The following SORCS2 variants were observed in gnomAD, a reference collection of about 807,000 sequenced individuals.
The protein encoded by SORCS2 is sortilin related VPS10 domain containing receptor 2, also known as VPS10 domain-containing receptor SorCS2.
In SORCS2, 100 loss-of-function variants were observed where a neutral mutation model predicts 141.6. The observed-to-expected ratio is 0.71, with a 90% CI of 0.60 to 0.83. The LOEUF is 0.83. Ranked by LOEUF, SORCS2 falls within the 40% of genes least tolerant of loss-of-function variation. The pLI is 0.00. For missense variants in SORCS2, 1,646 were observed against 1,560.2 expected (o/e 1.05, Z -0.93); for synonymous variants, 789 against 676.9 (o/e 1.17, Z -2.57).
intron 1 of SORCS2, among the ~76,000 whole-genome samples, chr4:7,358,333 C>T (rs1255886870): frequency 1.3e-5 from 2 of 152,182 alleles, no homozygotes; most frequent in Non-Finnish European, 2.9e-5. Context: ...TGTCAGTGAT[C>T]CCATTAACCT....
chr4:7,682,915 A>G (rs1022526382), intron 10 of SORCS2, 26 bp downstream of exon 10: 1 of 1,605,650 alleles, frequency 6.2e-7, no homozygotes, highest in Non-Finnish European at 8.5e-7. Context: ...CACATCACAC[A>G]CCATCCTTGG....
At chr4:7,223,178 A>T (rs933543461) in intron 1 of SORCS2, among the ~76,000 whole-genome samples, 4 of 152,218 alleles carry the variant, frequency 2.6e-5, no homozygotes, top group Non-Finnish European at 4.4e-5. Flanking sequence ...AGGCCTAAGG[A>T]AAAAGAAACT....
At chr4:7,638,545 C>T (rs1720422303) in intron 4 of SORCS2, 53 bp downstream of exon 4, 7 of 1,555,762 alleles carry the variant, frequency 4.5e-6, no homozygotes, top group Non-Finnish European at 6.0e-6. Context: ...GTCTGCTCGA[C>T]CCACCTGGAG....
chr4:7,433,809 C>T (rs1244381088), intron 2 of SORCS2: 2 of 1,613,782 alleles, frequency 1.2e-6, no homozygotes, highest in South Asian at 1.1e-5. Context: ...TGCACACCTT[C>T]TCTGGGGTGA....
intron 1 of SORCS2, among the ~76,000 whole-genome samples, chr4:7,372,768 CT>C (rs1252199861): frequency 3.9e-5 from 6 of 152,176 alleles, no homozygotes; most frequent in Non-Finnish European, 8.8e-5. Flanking sequence ...CCTGGACCCC[CT>C]GAGTCTGTTT....
intron 1 of SORCS2, among the ~76,000 whole-genome samples, chr4:7,327,085 G>A (rs987312650): frequency 5.9e-5 from 9 of 152,214 alleles, no homozygotes; most frequent in African/African-American, 2.2e-4. Context: ...TCTGCTTCAC[G>A]GGGGGCTGGC....
intron 14 of SORCS2, among the ~76,000 whole-genome samples, chr4:7,707,861 G>C (rs559424670): frequency 1.3e-5 from 2 of 152,324 alleles, no homozygotes; most frequent in African/African-American, 4.8e-5. Context: ...CCTGGCTGGG[G>C]AGAGGTGAGC....
chr4:7,343,539 A>T (rs1274877417), intron 1 of SORCS2, among the ~76,000 whole-genome samples: 2 of 152,162 alleles, frequency 1.3e-5, no homozygotes, highest in African/African-American at 4.8e-5. Flanking sequence ...CTCCCTCTGC[A>T]CAGAGCCTTG....
intron 1 of SORCS2, among the ~76,000 whole-genome samples, chr4:7,212,514 C>G (rs1367497341): frequency 6.6e-6 from 1 of 152,330 alleles, no homozygotes; most frequent in South Asian, 2.1e-4. Flanking sequence ...AACATAGGCA[C>G]CAGGCTTGGT....
intron 4 of SORCS2, among the ~76,000 whole-genome samples, chr4:7,640,477 TGAGAGA>T (rs58499022): frequency 3.4e-5 from 5 of 146,070 alleles, no homozygotes; most frequent in African/African-American, 1.3e-4. Flanking sequence ...TGTGTGTGTG[TGAGAGA>T]GAGCCTATGT....
At chr4:7,721,501 G>T (rs1726589713) in intron 18 of SORCS2, among the ~76,000 whole-genome samples, 1 of 152,076 alleles carries the variant, frequency 6.6e-6, no homozygotes, top group African/African-American at 2.4e-5. Flanking sequence ...CTTCAACCTG[G>T]ATGAGCCTCA....
chr4:7,209,255 G>A (rs1408423878), intron 1 of SORCS2, among the ~76,000 whole-genome samples: 2 of 152,218 alleles, frequency 1.3e-5, no homozygotes, highest in African/African-American at 4.8e-5. Flanking sequence ...CCGAGAGCAC[G>A]CCCCGCCCCC....
intron 1 of SORCS2, among the ~76,000 whole-genome samples, chr4:7,273,527 C>T (rs1172220811): frequency 6.6e-6 from 1 of 152,154 alleles, no homozygotes; most frequent in African/African-American, 2.4e-5. Flanking sequence ...CAGGTGTGCC[C>T]AGTAATCAGC....
chr4:7,536,159 C>A (rs1486635265), intron 3 of SORCS2, among the ~76,000 whole-genome samples: 2 of 152,216 alleles, frequency 1.3e-5, no homozygotes, highest in Non-Finnish European at 2.9e-5. Context: ...AGGGCCCAAG[C>A]TCTAGGCAGC....
Position 7,267,780 on chromosome 4 carries a change from C to T in SORCS2, c.480+74654C>T, listed in dbSNP as rs148794137. Among the ~76,000 whole-genome samples the T allele has an allele frequency of 1.3e-3, 203 of 152,242 alleles. 2 individuals are homozygous for T. In the East Asian group the frequency reaches 0.03, roughly 22 times the overall value. On this transcript the variant is annotated intron_variant, in intron 1 of 26. Coordinates refer to ENST00000507866, the MANE Select transcript of SORCS2 (RefSeq NM_020777.3). ...CTGGGAGACGGAGGTTGCAGTGAGC[C>T]GAGATTGCGCCACTGCACTCCAGCC...
chr4:7,253,419 G>T (rs35138160), intron 1 of SORCS2, among the ~76,000 whole-genome samples: 1 of 152,178 alleles, frequency 6.6e-6, no homozygotes, highest in Admixed American at 6.5e-5. Context: ...CCGTCCCCCT[G>T]TTCTCATTAG....
intron 3 of SORCS2, among the ~76,000 whole-genome samples, chr4:7,564,441 C>T (rs765629691): frequency 6.6e-5 from 10 of 152,194 alleles, no homozygotes; most frequent in Non-Finnish European, 1.5e-4. Context: ...GGACACTAGT[C>T]ATGTTGGATT....
intron 1 of SORCS2, among the ~76,000 whole-genome samples, chr4:7,394,406 G>T (rs1020703213): frequency 4.8e-5 from 7 of 145,614 alleles, no homozygotes; most frequent in Admixed American, 1.4e-4. Context: ...GGCAGGGTTG[G>T]AGGGGGGGTG....
chr4:7,509,772 CA>C (rs1291391912), intron 2 of SORCS2, among the ~76,000 whole-genome samples: 2 of 152,182 alleles, frequency 1.3e-5, no homozygotes, highest in African/African-American at 4.8e-5. Flanking sequence ...CTCCACCGCC[CA>C]CCGGGGCTGT....
Sources: allele counts gnomAD v4.1 joint callset (sites outside exome capture counted in the v4.1 genomes callset), GRCh38; gene constraint gnomAD v4.1.1; transcripts MANE v1.5; gene names NCBI Gene and HGNC (gene_info 2026-07-23, HGNC 2026-07-21).